Variants in STAT5A observed in about 807,000 individuals in gnomAD.
The protein encoded by STAT5A is epididymis secretory sperm binding protein.
In STAT5A, 26 loss-of-function variants were observed where a neutral mutation model predicts 100.2. The observed-to-expected ratio is 0.26, with a 90% CI of 0.19 to 0.36. STAT5A has a LOEUF of 0.36. Ranked by LOEUF, STAT5A falls within the 10% of genes least tolerant of loss-of-function variation. STAT5A has a pLI of 1.00. For missense variants in STAT5A, 634 were observed against 1,027.5 expected, an observed-to-expected ratio of 0.62 and a Z score of 5.24; for synonymous variants, 330 against 424.3, an observed-to-expected ratio of 0.78 and a Z score of 2.73.
At chr17:42,292,623 C>G (rs1382152805) in intron 4 of STAT5A, among the ~76,000 whole-genome samples, 3 of 149,980 alleles carry the variant, frequency 2.0e-5, no homozygotes, top group Non-Finnish European at 3.0e-5. Flanking sequence ...CCACGCTTGG[C>G]GCCTACTGTT....
chr17:42,309,276 G>A (rs1369206216), intron 17 of STAT5A, 101 bp from the exon 18 acceptor site: 24 of 1,534,880 alleles, frequency 1.6e-5, no homozygotes, highest in Middle Eastern at 4.7e-4. Flanking sequence ...CACTTTGTCC[G>A]TCTACACCCC....
At position 42,304,497 on chromosome 17, in the gene STAT5A, C is replaced by G; in HGVS notation, c.1258-33C>G. 1 of 1,614,174 alleles carries G rather than the reference C, an allele frequency of 6.2e-7. No individual in the cohort carries two copies. Among genetic ancestry groups the G allele is most frequent in the Non-Finnish European group, 8.5e-7 (1 of 1,179,990 alleles). The stretch of plus-strand genomic sequence containing the variant: ...CTGAGTCCTTGTAAGCAGCCGCCAT[C>G]TCCCTGTTCCCCTGTCACCTCCCAC... On this transcript the variant is annotated intron_variant, in intron 10 of 18. Transcript: ENST00000590949. The surrounding 1 kb of genome is among the most constrained non-coding windows in gnomAD (Gnocchi z 4.8).
chr17:42,289,292 G>C, intron 1 of STAT5A, 110 bp from the exon 2 acceptor site: 3 of 1,248,968 alleles, frequency 2.4e-6, no homozygotes, highest in Non-Finnish European at 3.2e-6. Context: ...GGGAGGGGAG[G>C]GGCCTGGCCT....
At chr17:42,307,378 A>T in intron 13 of STAT5A, 24 bp from the exon 14 acceptor site, 3 of 1,610,532 alleles carry the variant, frequency 1.9e-6, no homozygotes, top group Non-Finnish European at 2.5e-6. Context: ...ACCAGCCCTG[A>T]CTCGGGGGTT....
In STAT5A at chr17:42,311,104, GAGAC is replaced by G. The variant is rs1567695961; in HGVS notation, c.*439_*442del. Reference sequence around the variant, plus strand: ...TGCCCTCCTAAGAGAGAGAGACAGAGAGACAGAGAGAGAGAAAGAGAGAGTGTGT... The same window carrying G: ...TGCCCTCCTAAGAGAGAGAGACAGAGAGAGAGAGAGAAAGAGAGAGTGTGT... On this transcript the variant is annotated 3_prime_UTR_variant, in exon 19 of 19. Coordinates refer to ENST00000590949, the MANE Select transcript of STAT5A (RefSeq NM_001288718.2). The G allele has an allele frequency of 4.8e-6, 1 of 209,744 alleles. No homozygotes were observed. The highest frequency in any genetic ancestry group is 1.0e-5 in the Non-Finnish European group (1 of 100,162). The allele number at this position is 209,744 out of a possible 1,614,324, so 13.0% of individuals were successfully genotyped here. A position where few individuals can be genotyped will look rare whatever the true frequency, so the allele number is the denominator to read the frequency against.
intron 12 of STAT5A, among the ~76,000 whole-genome samples, chr17:42,305,905 G>A (rs989139102): frequency 2.6e-5 from 4 of 152,194 alleles, no homozygotes; most frequent in African/African-American, 9.7e-5. Context: ...TTCCTGGACT[G>A]GGGTCTGTGA....
At chr17:42,309,538 G>T in intron 18 of STAT5A, 54 bp downstream of exon 18, 2 of 1,578,688 alleles carry the variant, frequency 1.3e-6, no homozygotes, top group Non-Finnish European at 1.7e-6. Context: ...CTTGGCCCCA[G>T]GCTGGACTCC....
In STAT5A at chr17:42,295,776, A is replaced by G. The variant is rs773438507; in HGVS notation, c.533A>G (p.Glu178Gly). The change falls in exon 5 of 19, where the codon GAG (glutamate) becomes GGG (glycine). Residue 178 changes from glutamate (E) to glycine (G), a missense_variant. Transcript: ENST00000590949. ...GAGTACTTCATCATCCAGTACCAGG[A>G]GAGCCTGAGGATCCAAGGTGAGGCG... Reference protein sequence around the residue: ...TQEYFIIQYQESLRIQAQFAQ... With the variant: ...TQEYFIIQYQGSLRIQAQFAQ... The G allele has an allele frequency of 3.7e-6, 6 of 1,614,042 alleles. No homozygotes were observed. Among genetic ancestry groups the G allele is most frequent in the Non-Finnish European group, 4.2e-6 (5 of 1,179,998 alleles).
chr17:42,306,022 C>A, intron 12 of STAT5A: 1 of 751,094 alleles, frequency 1.3e-6, no homozygotes, highest in Non-Finnish European at 2.1e-6. Flanking sequence ...TCTGTCCCTG[C>A]ATGCCCCCAC....
At chr17:42,297,836 G>A (rs528109598) in intron 5 of STAT5A, among the ~76,000 whole-genome samples, 2 of 152,132 alleles carry the variant, frequency 1.3e-5, no homozygotes, top group East Asian at 3.9e-4. Flanking sequence ...GCTACATAGA[G>A]TTGCTTTTGT....
In STAT5A at chr17:42,308,162, G is replaced by C. The variant is rs1305779262; in HGVS notation, c.1907-16G>C. 6.2e-7 allele frequency: 1 copy of C among 1,613,068 alleles called. No individual in the cohort carries two copies. Among genetic ancestry groups the C allele is most frequent in the Non-Finnish European group, 8.5e-7 (1 of 1,179,260 alleles). On this transcript the variant is annotated splice_polypyrimidine_tract_variant and intron_variant, in intron 15 of 18. Transcript: ENST00000590949. This position sits in a 1 kb window ranked among gnomAD's most constrained non-coding sequence, Gnocchi z 4.6. ...GCTGCTGGTGGATTATGGGAATGAG[G>C]CTGTTCTTTTCACAGCGGAACGCAA... is the stretch of plus-strand genomic sequence containing the variant.
chr17:42,291,828 T>C (rs781141801), intron 3 of STAT5A, 144 bp from the exon 4 acceptor site: 107 of 719,592 alleles, frequency 1.5e-4, no homozygotes, highest in Middle Eastern at 5.2e-4. Flanking sequence ...GGAACAGAGA[T>C]ATAGAGGTGT....
chr17:42,292,187 G>A lies in STAT5A; in HGVS notation c.375+126G>A, dbSNP rs2080875665. The A allele has an allele frequency of 6.7e-6, 8 of 1,200,798 alleles. No individual in the cohort carries two copies. In the South Asian group the frequency reaches 1.1e-4, roughly 17 times the overall value. 74.4% of individuals were successfully genotyped at this position (1,200,798 alleles called of 1,614,324 possible). Reference sequence around the variant, plus strand: ...AGCACCAAGAAGATGAGGGACGTGGGCAAGTGTAAGAGGTGGCAGCATTGC... The same window carrying A: ...AGCACCAAGAAGATGAGGGACGTGGACAAGTGTAAGAGGTGGCAGCATTGC... On this transcript the variant is annotated intron_variant, in intron 4 of 18. Transcript: ENST00000590949.
chr17:42,289,395 G>T lies in STAT5A; in HGVS notation c.-10-7G>T. ...AGGAGAGCGCTTCAGCGCTCGGCTC[G>T]CCCTAGGTGAACGGCCATGGCGGGC... On this transcript the variant is annotated splice_region_variant and splice_polypyrimidine_tract_variant and intron_variant, in intron 1 of 18. Coordinates refer to ENST00000590949, the MANE Select transcript of STAT5A (RefSeq NM_001288718.2). The T allele has an allele frequency of 6.2e-7, 1 of 1,601,852 alleles. No homozygotes were observed. The highest frequency in any genetic ancestry group is 8.5e-7 in the Non-Finnish European group (1 of 1,174,598).
At chr17:42,298,226 C>A (rs1309684974) in intron 5 of STAT5A, among the ~76,000 whole-genome samples, 3 of 151,298 alleles carry the variant, frequency 2.0e-5, no homozygotes, top group East Asian at 3.9e-4. Flanking sequence ...TGCAGTGGTG[C>A]TCTCGGCTCA....
chr17:42,309,145 C>A, intron 17 of STAT5A, 47 bp downstream of exon 17: 1 of 1,612,466 alleles, frequency 6.2e-7, no homozygotes, highest in Non-Finnish European at 8.5e-7. Flanking sequence ...CTTTCCTCCT[C>A]CCCCAGACCC....
In STAT5A at chr17:42,295,627, T is replaced by C. The variant is rs745600330; in HGVS notation, c.384T>C (p.Ser128=). 1 of 1,613,466 alleles carries C rather than the reference T, an allele frequency of 6.2e-7. No homozygotes were observed. The highest frequency in any genetic ancestry group is 8.5e-7 in the Non-Finnish European group (1 of 1,179,768). ...RLVREANNCS[S]PAGILVDAMS... Reference sequence around the variant, plus strand: ...ATTCCATCTGTCTCCAGTGCAGCTCTCCGGCTGGGATCCTGGTTGACGCCA... The same window carrying C: ...ATTCCATCTGTCTCCAGTGCAGCTCCCCGGCTGGGATCCTGGTTGACGCCA... The change falls in exon 5 of 19, where the codon TCT becomes TCC. Residue 128 remains serine (S), a synonymous_variant. Coordinates refer to ENST00000590949, the MANE Select transcript of STAT5A (RefSeq NM_001288718.2).
At chr17:42,305,181 C>A (rs561852954) in intron 11 of STAT5A, among the ~76,000 whole-genome samples, 3 of 152,230 alleles carry the variant, frequency 2.0e-5, no homozygotes, top group South Asian at 2.1e-4. Context: ...GTCTGGGCGA[C>A]CGAGCGAGAC....
At chr17:42,306,175 TTG>T (rs2081026976) in intron 12 of STAT5A, 64 bp from the exon 13 acceptor site, 4 of 1,611,284 alleles carry the variant, frequency 2.5e-6, no homozygotes, top group Admixed American at 1.7e-5. Context: ...TCTGTGTATC[TTG>T]TGTGTGTGTG....
Sources: gnomAD v4.1 joint callset for allele counts (sites outside exome capture counted in the v4.1 genomes callset) on GRCh38, gnomAD v4.1.1 for gene constraint, Gnocchi (gnomAD v3.1) non-coding constraint, MANE v1.5 for transcripts, NCBI Gene and HGNC (gene_info 2026-07-23, HGNC 2026-07-21) for gene names.